The following DYSF variants were observed in gnomAD, a reference collection of about 807,000 sequenced individuals.
DYSF encodes dystrophy-associated fer-1-like 1.
Under a neutral mutation model 274.9 loss-of-function variants are expected in DYSF, and 212 were observed. That is an observed-to-expected ratio of 0.77 (90% CI 0.69 to 0.86). The LOEUF (loss-of-function observed/expected upper bound fraction) is 0.86, where lower values mean the gene tolerates loss of function less well. Among genes scored for constraint, DYSF ranks in the 40% least tolerant of loss-of-function variants. DYSF has a pLI of 0.00. For synonymous variants in DYSF, 1,091 were observed against 1,078.7 expected (o/e 1.01, Z -0.22); for missense variants, 2,666 against 2,783.2 (o/e 0.96, Z 0.95).
chr2:71,657,230 C>T (rs964961657), intron 43 of DYSF, among the ~76,000 whole-genome samples: 3 of 152,192 alleles, frequency 2.0e-5, no homozygotes, highest in African/African-American at 7.2e-5. Context: ...TTTTAAAGCT[C>T]CAAAATGATC....
At chr2:71,542,848 G>A (rs1327449498) in intron 17 of DYSF, among the ~76,000 whole-genome samples, 1 of 152,136 alleles carries the variant, frequency 6.6e-6, no homozygotes, top group Non-Finnish European at 1.5e-5. Flanking sequence ...CGACAAAACC[G>A]CCATCATCAT....
At position 71,671,811 on chromosome 2, in the gene DYSF, C is replaced by T. The variant is rs1438648239; in HGVS notation, c.5784+2065C>T. 2.6e-5 allele frequency among the ~76,000 whole-genome samples: 4 copies of T among 152,164 alleles called. No individual in the cohort carries two copies. In the East Asian group the frequency reaches 7.7e-4, roughly 29 times the overall value. On this transcript the variant is annotated intron_variant, in intron 51 of 55. Coordinates refer to ENST00000410020, the MANE Select transcript of DYSF (RefSeq NM_001130987.2). ...CAATGTTGTGGTTTTGTCTCTGCAT[C>T]ATAGGGCCTGGTCAGGAGGAAGGAA...
chr2:71,585,830 G>C (rs2093048281), intron 30 of DYSF, among the ~76,000 whole-genome samples: 1 of 152,268 alleles, frequency 6.6e-6, no homozygotes, highest in East Asian at 1.9e-4. Context: ...GCAATGTAAA[G>C]TGGTGAGTGC....
Position 71,598,553 on chromosome 2 carries a change from G to A in DYSF, c.3575-11G>A, listed in dbSNP as rs370058694. On this transcript the variant is annotated splice_polypyrimidine_tract_variant and intron_variant, in intron 32 of 55. Transcript: ENST00000410020. Reference sequence around the variant, plus strand: ...TGTCCTGTCTCCCCTCCCCCTCTCCGGCCCATGCAGATCCCTATGCCATCG... The same window carrying A: ...TGTCCTGTCTCCCCTCCCCCTCTCCAGCCCATGCAGATCCCTATGCCATCG... 4.2e-5 allele frequency: 68 copies of A among 1,613,954 alleles called. No individual in the cohort carries two copies. Among genetic ancestry groups the A allele is most frequent in the Admixed American group, 8.3e-5 (5 of 59,994 alleles).
At chr2:71,517,932 G>A (rs1040624296) in intron 10 of DYSF, among the ~76,000 whole-genome samples, 2 of 152,248 alleles carry the variant, frequency 1.3e-5, no homozygotes, top group East Asian at 1.9e-4. Flanking sequence ...TTGTAATTTG[G>A]ATTTTCCCCC....
intron 35 of DYSF, among the ~76,000 whole-genome samples, chr2:71,602,052 C>A (rs577455194): frequency 6.6e-6 from 1 of 152,244 alleles, no homozygotes; most frequent in Non-Finnish European, 1.5e-5. Flanking sequence ...ATTGTTCTTA[C>A]CAAGACCTCA....
At chr2:71,514,405 T>C (rs1459357439) in intron 7 of DYSF, among the ~76,000 whole-genome samples, 1 of 152,180 alleles carries the variant, frequency 6.6e-6, no homozygotes, top group Non-Finnish European at 1.5e-5. Flanking sequence ...CATCTTTTTT[T>C]TCTCCTTATA....
intron 21 of DYSF, among the ~76,000 whole-genome samples, chr2:71,554,920 G>A (rs1013974444): frequency 9.9e-5 from 15 of 152,140 alleles, no homozygotes; most frequent in Non-Finnish European, 2.1e-4. Flanking sequence ...GTGGCTGTAG[G>A]GGTTTCTGTG....
chr2:71,664,538 T>C (rs955136136), intron 46 of DYSF, 100 bp downstream of exon 46: 2 of 1,460,704 alleles, frequency 1.4e-6, no homozygotes, highest in South Asian at 2.4e-5. Flanking sequence ...GTGCCAGCCC[T>C]GGGCTTAGCA....
chr2:71,674,357 G>A (rs1013405339), intron 52 of DYSF, 61 bp downstream of exon 52: 8 of 1,521,252 alleles, frequency 5.3e-6, no homozygotes, highest in African/African-American at 1.4e-5. Flanking sequence ...CCCACACTGT[G>A]TGTTTATGCC....
chr2:71,516,378 C>T (rs968762735), intron 9 of DYSF, 136 bp downstream of exon 9: 26 of 861,430 alleles, frequency 3.0e-5, no homozygotes, highest in South Asian at 1.7e-4. Flanking sequence ...GTGTGCCTGT[C>T]GGTGTGTATG....
At chr2:71,626,458 TA>T (rs1291850555) in intron 41 of DYSF, among the ~76,000 whole-genome samples, 19 of 151,034 alleles carry the variant, frequency 1.3e-4, no homozygotes, top group African/African-American at 4.1e-4. Flanking sequence ...ATATGTTAAT[TA>T]ATAACCCAAG....
At chr2:71,619,750 C>T (rs2094048662) in intron 40 of DYSF, among the ~76,000 whole-genome samples, 1 of 152,190 alleles carries the variant, frequency 6.6e-6, no homozygotes, top group Non-Finnish European at 1.5e-5. Context: ...GTCTTCTCAC[C>T]TTGCCCACCT....
intron 43 of DYSF, 81 bp from the exon 44 acceptor site, chr2:71,658,797 A>G: frequency 6.4e-7 from 1 of 1,563,558 alleles, no homozygotes; most frequent in Non-Finnish European, 8.8e-7. Flanking sequence ...ATACAATTCA[A>G]GTTGAGATTT....
chr2:71,586,983 C>A (rs1275253900), intron 30 of DYSF, among the ~76,000 whole-genome samples: 2 of 152,218 alleles, frequency 1.3e-5, no homozygotes, highest in Admixed American at 6.5e-5. Flanking sequence ...GGTGCCCCAG[C>A]AGCTAGAGGT....
intron 3 of DYSF, among the ~76,000 whole-genome samples, chr2:71,497,554 C>T (rs1042974903): frequency 1.1e-4 from 17 of 152,230 alleles, no homozygotes; most frequent in African/African-American, 3.6e-4. Flanking sequence ...CCCAACCCTG[C>T]TGAACTGTGA....
At position 71,665,173 on chromosome 2, in the gene DYSF, A is replaced by G. The variant is rs756410416; in HGVS notation, c.5186A>G (p.Asn1729Ser). ...LPQTYCVSGP[N>S]QWRDQLRPSQ... ...TGCTTGCTCCTCAGCTCTGGACCGA[A>G]CCAGTGGCGGGACCAGCTCCGCCCC... The change falls in exon 47 of 56, where the codon AAC (asparagine) becomes AGC (serine). Residue 1729 changes from asparagine (N) to serine (S), a missense_variant. This residue lies in a region of DYSF where 1,460 missense variants were observed against 1,502.1 expected (regional missense o/e 0.97). Coordinates refer to ENST00000410020, the MANE Select transcript of DYSF (RefSeq NM_001130987.2). 1.2e-6 allele frequency: 2 copies of G among 1,613,880 alleles called. No individual in the cohort carries two copies. Among genetic ancestry groups the G allele is most frequent in the Non-Finnish European group, 1.7e-6 (2 of 1,180,006 alleles).
intron 40 of DYSF, among the ~76,000 whole-genome samples, chr2:71,613,808 C>T (rs1430723514): frequency 6.6e-6 from 1 of 152,136 alleles, no homozygotes; most frequent in Non-Finnish European, 1.5e-5. Flanking sequence ...GGGACAGGCC[C>T]CTTCTTAGGG....
chr2:71,542,124 C>T, intron 17 of DYSF, among the ~76,000 whole-genome samples: 1 of 152,168 alleles, frequency 6.6e-6, no homozygotes, highest in East Asian at 1.9e-4. Flanking sequence ...GTGAGTTGCT[C>T]CAGTCTCCGT....
Sources: allele counts gnomAD v4.1 joint callset (sites outside exome capture counted in the v4.1 genomes callset), GRCh38; gene constraint gnomAD v4.1.1; regional missense constraint gnomAD v4.1.1; transcripts MANE v1.5; gene names NCBI Gene and HGNC (gene_info 2026-07-23, HGNC 2026-07-21).